The following LRP1B variants were observed in gnomAD, a reference collection of about 807,000 sequenced individuals.
The protein encoded by LRP1B is LDL receptor related protein 1B.
A neutral mutation model predicts 556.6 loss-of-function variants in LRP1B; 217 were observed. That is an observed-to-expected ratio of 0.39 (90% CI 0.35 to 0.44). LRP1B has a LOEUF of 0.44. Among genes scored for constraint, LRP1B ranks in the 20% least tolerant of loss-of-function variants. LRP1B has a pLI of 1.00. For missense variants in LRP1B, 5,053 were observed against 5,620.8 expected (o/e 0.90, Z 3.23); for synonymous variants, 2,047 against 1,865.8 (o/e 1.10, Z -2.50).
intron 19 of LRP1B, among the ~76,000 whole-genome samples, chr2:140,951,310 G>A (rs889077370): frequency 5.3e-5 from 8 of 152,204 alleles, no homozygotes; most frequent in South Asian, 2.1e-4. Flanking sequence ...CAACCATTTC[G>A]GGAGGGAGGG....
At chr2:140,813,157 A>C (rs890391150) in intron 32 of LRP1B, among the ~76,000 whole-genome samples, 9 of 152,182 alleles carry the variant, frequency 5.9e-5, no homozygotes, top group Admixed American at 1.3e-4. Context: ...AAGAATGGAA[A>C]TAACACTCAA....
intron 20 of LRP1B, among the ~76,000 whole-genome samples, chr2:140,926,433 C>A (rs560051302): frequency 6.6e-6 from 1 of 152,160 alleles, no homozygotes; most frequent in South Asian, 2.1e-4. Context: ...CCTCAACCTC[C>A]TGGACTCATA....
intron 32 of LRP1B, among the ~76,000 whole-genome samples, chr2:140,790,133 A>G (rs1690060970): frequency 6.6e-6 from 1 of 151,970 alleles, no homozygotes; most frequent in Admixed American, 6.6e-5. Context: ...ATCTTCCTCA[A>G]CCAAATGCAA....
intron 2 of LRP1B, among the ~76,000 whole-genome samples, chr2:141,665,372 C>A (rs1044971020): frequency 2.6e-5 from 4 of 152,146 alleles, no homozygotes; most frequent in African/African-American, 9.7e-5. Context: ...ATCAAAACCA[C>A]AATGAGATCC....
At chr2:141,356,944 C>T (rs1688647313) in intron 3 of LRP1B, among the ~76,000 whole-genome samples, 1 of 152,140 alleles carries the variant, frequency 6.6e-6, no homozygotes, top group African/African-American at 2.4e-5. Flanking sequence ...GCCTCCCTTT[C>T]ATTTCTGTCA....
intron 83 of LRP1B, among the ~76,000 whole-genome samples, chr2:140,300,014 T>C (rs1683753404): frequency 1.3e-5 from 2 of 152,070 alleles, no homozygotes; most frequent in African/African-American, 4.8e-5. Context: ...AAACAAACGG[T>C]ACCTGCTGAG....
intron 41 of LRP1B, among the ~76,000 whole-genome samples, chr2:140,640,903 G>A (rs1313429629): frequency 6.6e-6 from 1 of 152,088 alleles, no homozygotes; most frequent in Admixed American, 6.6e-5. Flanking sequence ...GTGCAGATCT[G>A]TAACATTATC....
In LRP1B at chr2:140,457,652, C is replaced by T. The variant is rs1396866735; in HGVS notation, c.9626-1G>A. The stretch of plus-strand genomic sequence containing the variant: ...ACCCCTGGAATATCTTGATTAGGGA[C>T]TGTAATAGGAGATGGTAAGATTAAT... On this transcript the variant is annotated splice_acceptor_variant, in intron 60 of 90. Coordinates refer to ENST00000389484, the MANE Select transcript of LRP1B (RefSeq NM_018557.3). LOFTEE classifies it high-confidence loss of function. 6.2e-7 allele frequency: 1 copy of T among 1,609,256 alleles called. No homozygotes were observed. Among genetic ancestry groups the T allele is most frequent in the East Asian group, 2.2e-5 (1 of 44,816 alleles).
At chr2:140,447,199 A>G (rs1686698338) in intron 63 of LRP1B, among the ~76,000 whole-genome samples, 1 of 152,106 alleles carries the variant, frequency 6.6e-6, no homozygotes, top group African/African-American at 2.4e-5. Flanking sequence ...AAACTCTTGT[A>G]TTTCATTGGT....
intron 2 of LRP1B, among the ~76,000 whole-genome samples, chr2:141,670,653 T>C (rs1690631979): frequency 1.3e-5 from 2 of 152,220 alleles, no homozygotes; most frequent in African/African-American, 4.8e-5. Context: ...GTAAAATCAG[T>C]GGTTGTTGTA....
intron 1 of LRP1B, among the ~76,000 whole-genome samples, chr2:141,875,148 T>G (rs1254266342): frequency 2.6e-5 from 4 of 151,630 alleles, no homozygotes; most frequent in African/African-American, 7.3e-5. Flanking sequence ...TCCATATATA[T>G]TTATACATAA....
chr2:140,873,703 C>G (rs1296810266), intron 25 of LRP1B, among the ~76,000 whole-genome samples: 1 of 151,698 alleles, frequency 6.6e-6, no homozygotes, highest in Non-Finnish European at 1.5e-5. Context: ...TACTTGTAAA[C>G]AAACTCATCA....
At chr2:141,819,264 AAAAC>A (rs1020298571) in intron 1 of LRP1B, among the ~76,000 whole-genome samples, 2 of 151,948 alleles carry the variant, frequency 1.3e-5, no homozygotes, top group African/African-American at 4.8e-5. Context: ...AACAAAAAAA[AAAAC>A]AAAAAACTTT....
intron 14 of LRP1B, among the ~76,000 whole-genome samples, chr2:141,008,649 C>T (rs1697649970): frequency 6.6e-6 from 1 of 151,806 alleles, no homozygotes; most frequent in African/African-American, 2.4e-5. Context: ...GGCCTTCTGG[C>T]TTCATCAAAA....
intron 33 of LRP1B, among the ~76,000 whole-genome samples, chr2:140,775,467 A>ATT (rs61535948): frequency 0.045 from 5,029 of 111,112 alleles, 184 homozygotes; most frequent in Middle Eastern, 0.094. Context: ...TTTTTGGTTG[A>ATT]TTTTTTTTTT....
At chr2:142,078,807 T>A (rs1391088854) in intron 1 of LRP1B, among the ~76,000 whole-genome samples, 1 of 152,160 alleles carries the variant, frequency 6.6e-6, no homozygotes, top group Non-Finnish European at 1.5e-5. Context: ...TTTTTGGTAA[T>A]CTAGATAGCA....
At chr2:140,601,085 C>CAAAAAAA (rs5834760) in intron 42 of LRP1B, among the ~76,000 whole-genome samples, 1 of 135,816 alleles carries the variant, frequency 7.4e-6, no homozygotes, top group Non-Finnish European at 1.6e-5. Flanking sequence ...GATTAAAATG[C>CAAAAAAA]AAAAAAAAAA....
rs542097951 is a variant in LRP1B, at chr2:140,258,243, C to T, written c.13248-11081G>A. 1.2e-3 allele frequency among the ~76,000 whole-genome samples: 186 copies of T among 152,034 alleles called. 1 individual carries two copies. The highest frequency in any genetic ancestry group is 2.2e-3 in the Non-Finnish European group (147 of 67,982). On this transcript the variant is annotated intron_variant, in intron 86 of 90. Transcript: ENST00000389484. ...CTGAAGAATATGACAAAGTGCTTAACTCAGATCACTCTCTAAATGAATGTC... is the reference window on the plus strand; with the variant it reads ...CTGAAGAATATGACAAAGTGCTTAATTCAGATCACTCTCTAAATGAATGTC...
intron 32 of LRP1B, among the ~76,000 whole-genome samples, chr2:140,803,312 T>C (rs1690587149): frequency 1.4e-5 from 2 of 142,702 alleles, no homozygotes; most frequent in African/African-American, 5.3e-5. Flanking sequence ...TCTCCCTCTG[T>C]CTCCCAGGCT....
Sources: gnomAD v4.1 joint callset for allele counts (sites outside exome capture counted in the v4.1 genomes callset) on GRCh38, gnomAD v4.1.1 for gene constraint, MANE v1.5 for transcripts, NCBI Gene and HGNC (gene_info 2026-07-23, HGNC 2026-07-21) for gene names.